Variants in IKBKG observed in about 807,000 individuals in gnomAD.
IKBKG encodes NF-kappa-B essential modulator.
A neutral mutation model predicts 13.7 loss-of-function variants in IKBKG; 2 were observed. That is an observed-to-expected ratio of 0.15 (90% CI 0.06 to 0.46). IKBKG has a LOEUF of 0.46. Ranked by LOEUF, IKBKG falls within the 20% of genes least tolerant of loss-of-function variation. IKBKG has a pLI of 0.98. For missense variants in IKBKG, 53 were observed against 150.3 expected, an observed-to-expected ratio of 0.35 and a Z score of 3.39; for synonymous variants, 22 against 64.4, an observed-to-expected ratio of 0.34 and a Z score of 3.15.
At chrX:154,550,697 G>A (rs1456471464) in intron 1 of IKBKG, among the ~76,000 whole-genome samples, 1 of 111,213 alleles carries the variant, frequency 9.0e-6, no homozygotes, top group Admixed American at 9.5e-5. Context: ...GTGGAGTGCA[G>A]TGGCACAATC....
At chrX:154,547,583 T>C (rs1730187373), upstream of IKBKG, 9 of 754,962 alleles carry the variant, frequency 1.2e-5, no homozygotes, top group South Asian at 5.4e-4. Context: ...GGGGCGGGGC[T>C]TGTGTTTTTA....
chrX:154,549,988 A>G (rs1216722553), intron 1 of IKBKG, among the ~76,000 whole-genome samples: 1 of 111,965 alleles, frequency 8.9e-6, no homozygotes, highest in East Asian at 2.8e-4. Context: ...TGCTGCTACA[A>G]GCATTCATGT....
intron 1 of IKBKG, among the ~76,000 whole-genome samples, chrX:154,551,764 C>T (rs1168414286): frequency 3.6e-5 from 4 of 111,710 alleles, no homozygotes; most frequent in African/African-American, 9.8e-5. Context: ...CTTCTATTTC[C>T]AGCCTGGAGC....
chrX:154,547,900 G>C, intron 1 of IKBKG, 155 bp downstream of exon 1: 1 of 754,884 alleles, frequency 1.3e-6, no homozygotes, highest in Non-Finnish European at 1.6e-6. Flanking sequence ...GCCGATTCAG[G>C]ACCCAGGTTA....
chrX:154,546,771 G>A, upstream of IKBKG: 1 of 1,143,549 alleles, frequency 8.7e-7, no homozygotes. Context: ...CCTGCGCGGC[G>A]CCCGCCCGGC....
intron 2 of IKBKG, among the ~76,000 whole-genome samples, chrX:154,554,869 G>T (rs781823529): frequency 3.0e-4 from 34 of 111,936 alleles, no homozygotes; most frequent in African/African-American, 1.1e-3. Flanking sequence ...TGAGGGTTTT[G>T]ATCACGGGGT....
At chrX:154,545,959 C>A (rs1249736939), upstream of IKBKG, 40 of 1,167,429 alleles carry the variant, frequency 3.4e-5, no homozygotes, top group Non-Finnish European at 1.7e-5. Context: ...TGGGGCCCTG[C>A]AACAATTAGT....
chrX:154,548,647 T>C (rs2070829889), intron 1 of IKBKG, among the ~76,000 whole-genome samples: 1 of 112,031 alleles, frequency 8.9e-6, no homozygotes, highest in Admixed American at 9.5e-5. Flanking sequence ...CACTCTAACC[T>C]CCTCCTCCTG....
At chrX:154,542,412 G>C, upstream of IKBKG, 1 of 1,198,666 alleles carries the variant, frequency 8.3e-7, no homozygotes, top group Non-Finnish European at 1.1e-6. Flanking sequence ...TGTTCCAGGC[G>C]CACACTAGTC....
upstream of IKBKG, among the ~76,000 whole-genome samples, chrX:154,544,929 A>G (rs1347746664): frequency 2.7e-5 from 3 of 112,660 alleles, no homozygotes; most frequent in African/African-American, 9.7e-5. Flanking sequence ...ACTAGTTTTG[A>G]TAGAGCTCCT....
upstream of IKBKG, chrX:154,546,712 C>T (rs1234328092): frequency 3.6e-6 from 3 of 834,923 alleles, no homozygotes; most frequent in African/African-American, 4.1e-5. Flanking sequence ...CAACAAACAG[C>T]GTGTATTTTA....
upstream of IKBKG, chrX:154,542,391 G>C (rs1257175672): frequency 2.0e-5 from 24 of 1,205,665 alleles, no homozygotes; most frequent in Non-Finnish European, 2.7e-5. Flanking sequence ...CCATCAGGTG[G>C]GGAAAGATGC....
At chrX:154,549,190 C>A (rs1315064813) in intron 1 of IKBKG, among the ~76,000 whole-genome samples, 1 of 109,227 alleles carries the variant, frequency 9.2e-6, no homozygotes, top group East Asian at 2.9e-4. Flanking sequence ...ATCATGTTGG[C>A]CAGGATGGTC....
upstream of IKBKG, chrX:154,547,438 C>G (rs2070775529): frequency 1.3e-6 from 1 of 754,447 alleles, no homozygotes; most frequent in Admixed American, 8.5e-5. Context: ...CGGTGACGCC[C>G]TGCAAAGTGG....
intron 2 of IKBKG, among the ~76,000 whole-genome samples, chrX:154,552,749 G>T (rs1189736859): frequency 8.9e-6 from 1 of 112,099 alleles, no homozygotes; most frequent in Non-Finnish European, 1.9e-5. Context: ...GGAGGTGAAG[G>T]CTGACTTCCC....
chrX:154,542,135 G>A (rs1197205526), intron 1 of IKBKG: 2 of 462,447 alleles, frequency 4.3e-6, no homozygotes, highest in Non-Finnish European at 7.3e-6. Flanking sequence ...TCATGACACA[G>A]CAAGAATCTT....
intron 1 of IKBKG, among the ~76,000 whole-genome samples, chrX:154,551,417 G>A (rs2070928603): frequency 9.0e-6 from 1 of 110,734 alleles, no homozygotes; most frequent in South Asian, 3.8e-4. Context: ...AGGCAGTCCC[G>A]ACATGGCCTC....
intron 4 of IKBKG, 100 bp from the exon 5 acceptor site, chrX:154,560,305 CAG>C (rs1205060446): frequency 5.9e-6 from 2 of 339,608 alleles, no homozygotes; most frequent in Non-Finnish European, 1.0e-5. Flanking sequence ...CTCGCAGTCA[CAG>C]GGTGTTCAGA....
upstream of IKBKG, among the ~76,000 whole-genome samples, chrX:154,544,725 A>G (rs1054183190): frequency 9.0e-6 from 1 of 110,774 alleles, no homozygotes; most frequent in Non-Finnish European, 1.9e-5. Flanking sequence ...GCCCCTCCTT[A>G]CTCTGCCACT....
Sources: gnomAD v4.1 joint callset for allele counts (sites outside exome capture counted in the v4.1 genomes callset) on GRCh38, gnomAD v4.1.1 for gene constraint, MANE v1.5 for transcripts, NCBI Gene and HGNC (gene_info 2026-07-23, HGNC 2026-07-21) for gene names.